CHURC1: variants seen among roughly 807,000 people sequenced by gnomAD.
The protein encoded by CHURC1 is protein Churchill.
CHURC1 carries 12 observed loss-of-function variants against 15.4 expected under a neutral mutation model. The observed-to-expected ratio is 0.78, with a 90% confidence interval of 0.50 to 1.27. CHURC1 has a LOEUF of 1.27. Ranked by LOEUF, CHURC1 falls within the 50% of genes most tolerant of loss-of-function variation. The pLI is 0.00. For missense variants in CHURC1, 132 were observed against 137.8 expected, an observed-to-expected ratio of 0.96 and a Z score of 0.21; for synonymous variants, 42 against 47.5, an observed-to-expected ratio of 0.88 and a Z score of 0.48.
chr14:64,923,914 C>A, intron 1 of CHURC1, 77 bp from the exon 2 acceptor site: 2 of 1,276,680 alleles, frequency 1.6e-6, no homozygotes, highest in Non-Finnish European at 2.0e-6. Flanking sequence ...TGCCTTTAGA[C>A]ATTTTAAGTC....
chr14:64,919,343 G>A (rs1377005040), intron 1 of CHURC1, among the ~76,000 whole-genome samples: 1 of 152,182 alleles, frequency 6.6e-6, no homozygotes, highest in African/African-American at 2.4e-5. Flanking sequence ...TTAGTGATAT[G>A]TTTAAAATTA....
At chr14:64,918,765 C>G (rs752630947) in intron 1 of CHURC1, among the ~76,000 whole-genome samples, 1 of 151,946 alleles carries the variant, frequency 6.6e-6, no homozygotes, top group Non-Finnish European at 1.5e-5. Flanking sequence ...CCCAGGAGTT[C>G]GAGGCTCCAG....
intron 1 of CHURC1, among the ~76,000 whole-genome samples, chr14:64,923,387 T>C (rs1182397498): frequency 1.3e-5 from 2 of 152,142 alleles, no homozygotes; most frequent in Admixed American, 6.5e-5. Context: ...TAAAACCCAT[T>C]CTCTCTTAAA....
At chr14:64,918,931 G>A (rs1455806203) in intron 1 of CHURC1, among the ~76,000 whole-genome samples, 2 of 152,178 alleles carry the variant, frequency 1.3e-5, no homozygotes, top group African/African-American at 2.4e-5. Context: ...ACATAAAGTT[G>A]TTTGGAGTTT....
intron 3 of CHURC1, among the ~76,000 whole-genome samples, chr14:64,928,558 G>C (rs1389525227): frequency 6.6e-6 from 1 of 152,092 alleles, no homozygotes; most frequent in African/African-American, 2.4e-5. Context: ...ACTTGAATGG[G>C]TCTTTACCCT....
rs902517902 is a variant in CHURC1 at position 64,934,583 on chromosome 14, G to A, written c.*2353G>A. 1 of 985,308 alleles carries A rather than the reference G, an allele frequency of 1.0e-6. No homozygotes were observed. The highest frequency in any genetic ancestry group is 1.7e-5 in the African/African-American group (1 of 57,230). 61.0% of individuals were successfully genotyped at this position (985,308 alleles called of 1,614,324 possible). On this transcript the variant is annotated 3_prime_UTR_variant, in exon 4 of 4. Transcript: ENST00000549115. ...GTTAAGTCAGCTGTTGCAGGGATCAGTTGTTTTATTCCTGGAAAATGTTTT... is the reference window on the plus strand; with the variant it reads ...GTTAAGTCAGCTGTTGCAGGGATCAATTGTTTTATTCCTGGAAAATGTTTT...
intron 3 of CHURC1, 131 bp downstream of exon 3, chr14:64,926,211 CTTTTTTT>C: frequency 1.1e-5 from 2 of 187,560 alleles, no homozygotes; most frequent in Non-Finnish European, 1.9e-5. Context: ...GAGACTATGC[CTTTTTTT>C]TTTTTTTTTT....
rs941928118 is a variant in CHURC1 at position 64,925,966 on chromosome 14, A to G, written c.176-44A>G. Reference sequence around the variant, plus strand: ...GAAATTTTAATAGAAGTTTTAAGAAACTCTCTAAGACTTAATTACGTAAGT... The same window carrying G: ...GAAATTTTAATAGAAGTTTTAAGAAGCTCTCTAAGACTTAATTACGTAAGT... On this transcript the variant is annotated intron_variant, in intron 2 of 3. Transcript: ENST00000549115. 57 of 1,404,370 alleles carry G rather than the reference A, an allele frequency of 4.1e-5. 1 individual carries two copies. In the Admixed American group the frequency reaches 6.6e-4, roughly 16 times the overall value. The allele number at this position is 1,404,370 out of a possible 1,614,324, so 87.0% of individuals were successfully genotyped here.
chr14:64,919,370 C>G (rs965558699), intron 1 of CHURC1, among the ~76,000 whole-genome samples: 1 of 152,158 alleles, frequency 6.6e-6, no homozygotes, highest in Non-Finnish European at 1.5e-5. Context: ...TTGTATTTGT[C>G]ATTTAAAGCT....
intron 1 of CHURC1, among the ~76,000 whole-genome samples, chr14:64,915,601 A>G (rs906972252): frequency 3.3e-5 from 5 of 152,222 alleles, no homozygotes; most frequent in Non-Finnish European, 7.3e-5. Context: ...AAGTCTCTGT[A>G]GTTCCTTATG....
intron 1 of CHURC1, among the ~76,000 whole-genome samples, chr14:64,916,704 A>G (rs972268978): frequency 3.3e-5 from 5 of 151,914 alleles, no homozygotes; most frequent in Admixed American, 6.6e-5. Flanking sequence ...CAGCCTCCCG[A>G]GTAGCTCGGA....
chr14:64,932,376 A>T lies in CHURC1; in HGVS notation c.*146A>T. On this transcript the variant is annotated 3_prime_UTR_variant, in exon 4 of 4. Coordinates refer to ENST00000549115, the MANE Select transcript of CHURC1 (RefSeq NM_001386928.1). ...TACTTATTCTTTGAGGAAAAAAGGT[A>T]ATGTAGGAGCTCATTGTTCTCTAGA... is the stretch of plus-strand genomic sequence containing the variant. 2 of 1,422,760 alleles carry T rather than the reference A, an allele frequency of 1.4e-6. No homozygotes were observed. Among genetic ancestry groups the T allele is most frequent in the Non-Finnish European group, 1.8e-6 (2 of 1,086,540 alleles). 88.1% of individuals were successfully genotyped at this position (1,422,760 alleles called of 1,614,324 possible).
intron 3 of CHURC1, among the ~76,000 whole-genome samples, chr14:64,929,310 T>C (rs1005397811): frequency 6.6e-6 from 1 of 152,136 alleles, no homozygotes; most frequent in Non-Finnish European, 1.5e-5. Flanking sequence ...AAATCTTACC[T>C]CTTTCTGCCT....
intron 2 of CHURC1, among the ~76,000 whole-genome samples, chr14:64,924,829 A>G (rs971533167): frequency 6.6e-6 from 1 of 152,210 alleles, no homozygotes; most frequent in Admixed American, 6.5e-5. Context: ...TTAACTGTTC[A>G]CATTCCCTTT....
In CHURC1 at chr14:64,933,360, T is replaced by A. The variant is rs1885179635; in HGVS notation, c.*1130T>A. On this transcript the variant is annotated 3_prime_UTR_variant, in exon 4 of 4. Transcript: ENST00000549115. ...AATACAGTGTGGACTTCAGTTAATA[T>A]AAATGAGAAAATGGTTTCATTGGCT... is the stretch of plus-strand genomic sequence containing the variant. 4.1e-6 allele frequency: 4 copies of A among 985,218 alleles called. No individual in the cohort carries two copies. The Admixed American group carries it at 2.5e-4, about 61-fold the overall frequency. The allele number at this position is 985,218 out of a possible 1,614,324, so 61.0% of individuals were successfully genotyped here. A position where few individuals can be genotyped will look rare whatever the true frequency, so the allele number is the denominator to read the frequency against.
rs1042919104 is a variant in CHURC1, at chr14:64,935,050, T to C, written c.*2820T>C. The C allele has an allele frequency of 3.1e-6, 3 of 956,986 alleles. No individual in the cohort carries two copies. The African/African-American group carries it at 5.3e-5, about 17-fold the overall frequency. 59.3% of individuals were successfully genotyped at this position (956,986 alleles called of 1,614,324 possible). On this transcript the variant is annotated 3_prime_UTR_variant, in exon 4 of 4. Transcript: ENST00000549115. ...TAGGAATTAGGGACATGGATGAAAT[T>C]GGAAATCTTCATTCTCAGTAAACTA...
chr14:64,932,899 G>C lies in CHURC1; in HGVS notation c.*669G>C, dbSNP rs1156617509. On this transcript the variant is annotated 3_prime_UTR_variant, in exon 4 of 4. Coordinates refer to ENST00000549115, the MANE Select transcript of CHURC1 (RefSeq NM_001386928.1). ...CTCTGCATAGTGACTTCCTTGCAGA[G>C]TATAATATGGAAAGGGGGGAAAAGA... 2 of 152,200 alleles carry C rather than the reference G, an allele frequency of 1.3e-5. No individual in the cohort carries two copies. Among genetic ancestry groups the C allele is most frequent in the African/African-American group, 4.8e-5 (2 of 41,452 alleles). The allele number at this position is 152,200 out of a possible 1,614,324, so 9.4% of individuals were successfully genotyped here.
At position 64,934,864 on chromosome 14, in the gene CHURC1, AC is replaced by A; in HGVS notation, c.*2635del. The A allele has an allele frequency of 1.0e-6, 1 of 984,428 alleles. No individual in the cohort carries two copies. The highest frequency in any genetic ancestry group is 1.2e-6 in the Non-Finnish European group (1 of 829,024). 61.0% of individuals were successfully genotyped at this position (984,428 alleles called of 1,614,324 possible). A position where few individuals can be genotyped will look rare whatever the true frequency, so the allele number is the denominator to read the frequency against. On this transcript the variant is annotated 3_prime_UTR_variant, in exon 4 of 4. Coordinates refer to ENST00000549115, the MANE Select transcript of CHURC1 (RefSeq NM_001386928.1). Reference sequence around the variant, plus strand: ...ATCTATTTGTTTTGGACTATATGTTACAAAAATTTAAAACATAAGATCCTCT... The same window carrying A: ...ATCTATTTGTTTTGGACTATATGTTAAAAAATTTAAAACATAAGATCCTCT...
chr14:64,915,903 T>C (rs1174800523), intron 1 of CHURC1, among the ~76,000 whole-genome samples: 1 of 152,192 alleles, frequency 6.6e-6, no homozygotes, highest in Non-Finnish European at 1.5e-5. Flanking sequence ...GAGCAGTAGT[T>C]CTCTACCAGG....
Sources: allele counts gnomAD v4.1 joint callset (sites outside exome capture counted in the v4.1 genomes callset), GRCh38; gene constraint gnomAD v4.1.1; transcripts MANE v1.5; gene names NCBI Gene and HGNC (gene_info 2026-07-23, HGNC 2026-07-21).